The following BABAM2 variants were observed in gnomAD, a reference collection of about 807,000 sequenced individuals.
BABAM2 encodes the protein BRISC and BRCA1 A complex member 2, also known as BRISC and BRCA1-A complex member 2.
Under a neutral mutation model 54.7 loss-of-function variants are expected in BABAM2, and 31 were observed. That is an observed-to-expected ratio of 0.57 (90% confidence interval 0.43 to 0.77). BABAM2 has a LOEUF of 0.77. Ranked by LOEUF, BABAM2 falls within the 30% of genes least tolerant of loss-of-function variation. BABAM2 has a pLI of 0.00. For synonymous variants in BABAM2, 167 were observed against 162.9 expected (o/e 1.03, Z -0.19); for missense variants, 364 against 455.8 (o/e 0.80, Z 1.83).
chr2:28,025,994 A>G (rs1048181691), intron 5 of BABAM2, among the ~76,000 whole-genome samples: 15 of 152,000 alleles, frequency 9.9e-5, no homozygotes, highest in African/African-American at 3.6e-4. Context: ...GGTATAAAAA[A>G]CTCTATATGG....
intron 7 of BABAM2, among the ~76,000 whole-genome samples, chr2:28,135,279 T>G (rs966262917): frequency 2.8e-4 from 42 of 152,216 alleles, no homozygotes; most frequent in Non-Finnish European, 1.5e-5. Flanking sequence ...CTTTAAAATA[T>G]TCAAACTGCT....
At chr2:27,944,126 G>A (rs1669125965) in intron 3 of BABAM2, among the ~76,000 whole-genome samples, 1 of 151,874 alleles carries the variant, frequency 6.6e-6, no homozygotes, top group African/African-American at 2.4e-5. Context: ...AACTTATTGG[G>A]CATTTTATGG....
chr2:28,100,893 T>A (rs575510246), intron 6 of BABAM2, among the ~76,000 whole-genome samples: 1 of 152,274 alleles, frequency 6.6e-6, no homozygotes, highest in South Asian at 2.1e-4. Flanking sequence ...TCATTCATCA[T>A]GGTCAGGAGG....
intron 4 of BABAM2, chr2:28,016,556 A>G (rs1478533721): frequency 1.6e-6 from 1 of 610,972 alleles, no homozygotes; most frequent in Non-Finnish European, 3.0e-6. Flanking sequence ...GGCCCGCCGC[A>G]GGTGCATTTC....
At chr2:28,124,661 T>A (rs1476239200) in intron 6 of BABAM2, among the ~76,000 whole-genome samples, 1 of 152,188 alleles carries the variant, frequency 6.6e-6, no homozygotes, top group Non-Finnish European at 1.5e-5. Context: ...CAGCTAACAT[T>A]GAGTGGTTTC....
chr2:28,139,321 CAAAAAAAAAA>C (rs768755922), intron 7 of BABAM2, among the ~76,000 whole-genome samples: 10 of 87,092 alleles, frequency 1.1e-4, no homozygotes, highest in African/African-American at 5.8e-4. Context: ...AACTCCGTCT[CAAAAAAAAAA>C]AAAAAAAAAA....
chr2:28,157,588 T>TAC (rs900318582), intron 7 of BABAM2, among the ~76,000 whole-genome samples: 3 of 152,152 alleles, frequency 2.0e-5, no homozygotes, highest in Non-Finnish European at 4.4e-5. Context: ...TGGACCCAAA[T>TAC]GTATTAACCC....
intron 7 of BABAM2, among the ~76,000 whole-genome samples, chr2:28,222,806 C>T (rs1234306689): frequency 6.6e-6 from 1 of 152,224 alleles, no homozygotes; most frequent in Non-Finnish European, 1.5e-5. Context: ...TCTTGTGTCA[C>T]TGGTTTAAAG....
intron 4 of BABAM2, among the ~76,000 whole-genome samples, chr2:28,011,039 T>G (rs1160651003): frequency 6.6e-6 from 1 of 152,172 alleles, no homozygotes; most frequent in African/African-American, 2.4e-5. Context: ...TTGATGGGGT[T>G]AGATAGTGAG....
At chr2:28,135,098 G>A (rs949866898) in intron 7 of BABAM2, among the ~76,000 whole-genome samples, 2 of 152,170 alleles carry the variant, frequency 1.3e-5, no homozygotes, top group African/African-American at 4.8e-5. Context: ...TGCTTAGTTA[G>A]TGCTCCTTGA....
chr2:28,128,935 G>A (rs1669803250), intron 6 of BABAM2, among the ~76,000 whole-genome samples: 1 of 152,154 alleles, frequency 6.6e-6, no homozygotes, highest in African/African-American at 2.4e-5. Context: ...TGTAAATTAT[G>A]TTTATAGTAA....
intron 5 of BABAM2, among the ~76,000 whole-genome samples, chr2:28,033,309 G>A (rs1676430685): frequency 1.3e-5 from 2 of 151,962 alleles, no homozygotes; most frequent in African/African-American, 4.8e-5. Context: ...GAACCAGTGT[G>A]TCTTAGTCCA....
At chr2:28,219,855 C>T (rs1680238631) in intron 7 of BABAM2, among the ~76,000 whole-genome samples, 1 of 152,148 alleles carries the variant, frequency 6.6e-6, no homozygotes. Flanking sequence ...GGGTTTAATG[C>T]TCAAGTGTCC....
rs542331830 is a variant in BABAM2 at position 28,159,439 on chromosome 2, A to C, written c.680+30059A>C. Among the ~76,000 whole-genome samples the C allele has an allele frequency of 2.6e-5, 4 of 152,320 alleles. No individual in the cohort carries two copies. The East Asian group carries it at 7.7e-4, about 29-fold the overall frequency. On this transcript the variant is annotated intron_variant, in intron 7 of 11. Coordinates refer to ENST00000379624, the MANE Select transcript of BABAM2 (RefSeq NM_199191.3). The stretch of plus-strand genomic sequence containing the variant: ...AAAGAAAGGGTGACATCTGAATAAG[A>C]CATTGAAGAAAGAATACAAGTTTTC...
At chr2:28,288,962 G>GTT (rs763643477) in intron 10 of BABAM2, among the ~76,000 whole-genome samples, 24 of 132,536 alleles carry the variant, frequency 1.8e-4, no homozygotes, top group Admixed American at 1.5e-4. Context: ...GTGGGTTGTT[G>GTT]TTTTTTTTTT....
chr2:28,053,721 C>G (rs1678172379), intron 6 of BABAM2, among the ~76,000 whole-genome samples: 1 of 152,090 alleles, frequency 6.6e-6, no homozygotes, highest in Non-Finnish European at 1.5e-5. Context: ...GAAAAATACA[C>G]TCTAGTTCAG....
At chr2:28,090,810 G>A (rs1296751395) in intron 6 of BABAM2, among the ~76,000 whole-genome samples, 1 of 152,128 alleles carries the variant, frequency 6.6e-6, no homozygotes, top group African/African-American at 2.4e-5. Flanking sequence ...AGAGGACAAG[G>A]GTTCAAGTTC....
intron 3 of BABAM2, among the ~76,000 whole-genome samples, chr2:27,978,385 T>G (rs1671747388): frequency 6.6e-6 from 1 of 152,190 alleles, no homozygotes; most frequent in Non-Finnish European, 1.5e-5. Flanking sequence ...GTGAGCCAAT[T>G]AAACCTCTTT....
chr2:28,285,797 T>C (rs1196029011), intron 10 of BABAM2, among the ~76,000 whole-genome samples: 2 of 151,984 alleles, frequency 1.3e-5, no homozygotes, highest in Non-Finnish European at 2.9e-5. Context: ...CTCAAACTCC[T>C]GGGCTCAAGC....
Sources: gnomAD v4.1 joint callset for allele counts (sites outside exome capture counted in the v4.1 genomes callset) on GRCh38, gnomAD v4.1.1 for gene constraint, MANE v1.5 for transcripts, NCBI Gene and HGNC (gene_info 2026-07-23, HGNC 2026-07-21) for gene names.